Variants in TNKS observed in about 807,000 individuals in gnomAD.
TNKS encodes the protein poly [ADP-ribose] polymerase tankyrase-1.
TNKS carries 72 observed loss-of-function variants against 135.8 expected under a neutral mutation model. The ratio of observed to expected loss-of-function variants is 0.53; its 90% confidence interval spans 0.44 to 0.64. TNKS has a LOEUF of 0.64. TNKS is among the 30% of genes least tolerant of loss of function. The pLI, the probability that TNKS is intolerant of heterozygous loss-of-function variation, is 0.00. For missense variants in TNKS, 1,769 were observed against 1,674.0 expected, an observed-to-expected ratio of 1.06 and a Z score of -0.99; for synonymous variants, 849 against 649.3, an observed-to-expected ratio of 1.31 and a Z score of -4.68.
chr8:9,610,585 A>T (rs1019243157), intron 2 of TNKS, among the ~76,000 whole-genome samples: 1 of 152,144 alleles, frequency 6.6e-6, no homozygotes, highest in Non-Finnish European at 1.5e-5. Flanking sequence ...TTTCTATAAA[A>T]TTAAAAATTT....
At chr8:9,770,373 C>T in intron 26 of TNKS, 111 bp downstream of exon 26, 5 of 1,131,296 alleles carry the variant, frequency 4.4e-6, no homozygotes, top group Non-Finnish European at 6.1e-6. Flanking sequence ...ACACAGTGTG[C>T]TAGTATTAAT....
In TNKS at chr8:9,776,771, AAC is replaced by A; in HGVS notation, c.*36_*37del. On this transcript the variant is annotated 3_prime_UTR_variant, in exon 27 of 27. Transcript: ENST00000310430. Reference sequence around the variant, plus strand: ...GCTGGTGAAGGCCAGATCAGATTTCAACCTGGGACTGGATTACAGAGGATTGT... The same window carrying A: ...GCTGGTGAAGGCCAGATCAGATTTCACTGGGACTGGATTACAGAGGATTGT... 6.3e-7 allele frequency: 1 copy of A among 1,580,422 alleles called. No individual in the cohort carries two copies. The highest frequency in any genetic ancestry group is 8.7e-7 in the Non-Finnish European group (1 of 1,149,606).
chr8:9,774,755 C>G (rs773491006), intron 26 of TNKS, among the ~76,000 whole-genome samples: 1 of 152,188 alleles, frequency 6.6e-6, no homozygotes, highest in African/African-American at 2.4e-5. Context: ...ATCCACCTGA[C>G]TAAGATGGAC....
intron 5 of TNKS, among the ~76,000 whole-genome samples, chr8:9,693,563 A>C (rs1803377127): frequency 6.6e-6 from 1 of 152,070 alleles, no homozygotes; most frequent in Non-Finnish European, 1.5e-5. Flanking sequence ...TATTGGGGAG[A>C]GGATGGTGAA....
chr8:9,717,102 T>TATA (rs60792807), intron 11 of TNKS, among the ~76,000 whole-genome samples: 6 of 122,852 alleles, frequency 4.9e-5, no homozygotes, highest in Admixed American at 9.0e-5. Flanking sequence ...TATATATATA[T>TATA]TTTCAGGGAA....
chr8:9,595,666 A>C (rs916711277), intron 2 of TNKS, among the ~76,000 whole-genome samples: 1 of 152,132 alleles, frequency 6.6e-6, no homozygotes, highest in Non-Finnish European at 1.5e-5. Context: ...GAAGATGCTT[A>C]AATTAGGTGG....
chr8:9,726,110 G>T (rs555226535), intron 12 of TNKS, among the ~76,000 whole-genome samples: 1 of 152,150 alleles, frequency 6.6e-6, no homozygotes, highest in Non-Finnish European at 1.5e-5. Flanking sequence ...AAAAATCAAG[G>T]CTGGGCGCAG....
chr8:9,616,252 A>T (rs145271946), intron 3 of TNKS, among the ~76,000 whole-genome samples: 1 of 152,258 alleles, frequency 6.6e-6, no homozygotes, highest in African/African-American at 2.4e-5. Context: ...TATTAAAGCA[A>T]ATGCCAAGAA....
At position 9,656,611 on chromosome 8, in the gene TNKS, C is replaced by CTTTTTTTTT. The variant is rs71201960; in HGVS notation, c.995-23333_995-23325dup. Among the ~76,000 whole-genome samples the CTTTTTTTTT allele has an allele frequency of 9.3e-3, 1,270 of 136,200 alleles. 25 individuals carry two copies. Among genetic ancestry groups the CTTTTTTTTT allele is most frequent in the African/African-American group, 0.033 (1,165 of 34,856 alleles). The allele number at this position is 136,200 out of a possible 152,430, so 89.4% of individuals were successfully genotyped here. ...CAACATTCTTAAAGAAAAGAATTTT[C>CTTTTTTTTT]TTTTTTTTTTTTTTTAATTTATTTT... On this transcript the variant is annotated intron_variant, in intron 3 of 26. Transcript: ENST00000310430.
intron 25 of TNKS, 60 bp downstream of exon 25, chr8:9,766,485 T>A (rs1807455598): frequency 3.0e-5 from 18 of 594,448 alleles, no homozygotes; most frequent in South Asian, 1.5e-4. Flanking sequence ...CAAATTGTCT[T>A]TTTTTTTTTT....
At chr8:9,586,763 A>G (rs868478661) in intron 2 of TNKS, among the ~76,000 whole-genome samples, 8 of 112,278 alleles carry the variant, frequency 7.1e-5, no homozygotes, top group East Asian at 2.9e-4. Context: ...GTGTGTGTGT[A>G]TGAAGTTAGG....
chr8:9,569,375 A>G (rs1458106758), intron 1 of TNKS, among the ~76,000 whole-genome samples: 1 of 152,196 alleles, frequency 6.6e-6, no homozygotes, highest in Non-Finnish European at 1.5e-5. Flanking sequence ...ATTATCTGCA[A>G]TCCATAAGCT....
At chr8:9,736,170 G>A (rs1315886199) in intron 17 of TNKS, among the ~76,000 whole-genome samples, 1 of 151,080 alleles carries the variant, frequency 6.6e-6, no homozygotes, top group Non-Finnish European at 1.5e-5. Flanking sequence ...AAGCTGTGCA[G>A]CTGTTATACA....
intron 11 of TNKS, among the ~76,000 whole-genome samples, chr8:9,719,195 C>A (rs1804749289): frequency 6.6e-6 from 1 of 152,152 alleles, no homozygotes; most frequent in South Asian, 2.1e-4. Flanking sequence ...GAAAGACCAT[C>A]AAGAATTTGT....
At chr8:9,744,873 C>A (rs1371559891) in intron 17 of TNKS, among the ~76,000 whole-genome samples, 1 of 152,066 alleles carries the variant, frequency 6.6e-6, no homozygotes, top group Non-Finnish European at 1.5e-5. Flanking sequence ...TTGGTTTGTC[C>A]AAGCATAAAC....
chr8:9,569,944 C>T (rs901888192), intron 1 of TNKS, among the ~76,000 whole-genome samples: 6 of 151,862 alleles, frequency 4.0e-5, no homozygotes, highest in African/African-American at 1.2e-4. Context: ...AATCTATTGC[C>T]TTAAATTTTT....
At chr8:9,645,023 A>G (rs944778740) in intron 3 of TNKS, among the ~76,000 whole-genome samples, 9 of 152,248 alleles carry the variant, frequency 5.9e-5, no homozygotes, top group East Asian at 1.9e-4. Context: ...TGTATTAAAT[A>G]TATGTTTTTT....
At chr8:9,563,885 T>G (rs1797428140) in intron 1 of TNKS, among the ~76,000 whole-genome samples, 1 of 152,172 alleles carries the variant, frequency 6.6e-6, no homozygotes, top group African/African-American at 2.4e-5. Flanking sequence ...CGTTGCTCAT[T>G]TTTACAGAAA....
At chr8:9,683,595 A>G (rs1802870265) in intron 5 of TNKS, among the ~76,000 whole-genome samples, 1 of 151,902 alleles carries the variant, frequency 6.6e-6, no homozygotes, top group African/African-American at 2.4e-5. Context: ...TTAATTTTGA[A>G]ATGTTTTTGG....
Sources: gnomAD v4.1 joint callset for allele counts (sites outside exome capture counted in the v4.1 genomes callset) on GRCh38, gnomAD v4.1.1 for gene constraint, MANE v1.5 for transcripts, NCBI Gene and HGNC (gene_info 2026-07-23, HGNC 2026-07-21) for gene names.